IL21R: variants seen among roughly 807,000 people sequenced by gnomAD.
The protein encoded by IL21R is interleukin-21 receptor.
IL21R carries 14 observed loss-of-function variants against 41.3 expected under a neutral mutation model. That is an observed-to-expected ratio of 0.34 (90% CI 0.22 to 0.53). The LOEUF (loss-of-function observed/expected upper bound fraction) is 0.53. Ranked by LOEUF, IL21R falls within the 20% of genes least tolerant of loss-of-function variation. The pLI is 0.94. For synonymous variants in IL21R, 286 were observed against 287.6 expected (o/e 0.99, Z 0.05); for missense variants, 588 against 681.6 (o/e 0.86, Z 1.53).
chr16:27,446,795 A>G (rs3093380), intron 8 of IL21R, among the ~76,000 whole-genome samples: 52,232 of 151,628 alleles, frequency 0.34, 9,561 homozygotes, highest in African/African-American at 0.48. Flanking sequence ...ACACACTAAC[A>G]TTTGCCAAGC....
intron 1 of IL21R, among the ~76,000 whole-genome samples, chr16:27,406,466 C>G (rs1002654688): frequency 1.3e-5 from 2 of 152,056 alleles, no homozygotes; most frequent in Non-Finnish European, 2.9e-5. Context: ...GTTGCACAGG[C>G]TGGAAGAAGT....
intron 2 of IL21R, among the ~76,000 whole-genome samples, chr16:27,431,809 A>G (rs1000485884): frequency 1.6e-4 from 25 of 151,976 alleles, no homozygotes; most frequent in African/African-American, 6.0e-4. Context: ...TGCCATGGCT[A>G]ATTTTCGTAT....
At chr16:27,429,969 A>G in intron 1 of IL21R, 87 bp from the exon 2 acceptor site, 1 of 1,168,398 alleles carries the variant, frequency 8.6e-7, no homozygotes. Flanking sequence ...ATCAGGGGCA[A>G]GTCTGCCTGG....
chr16:27,432,474 C>T (rs978490121), intron 2 of IL21R, among the ~76,000 whole-genome samples: 10 of 152,190 alleles, frequency 6.6e-5, no homozygotes, highest in Non-Finnish European at 1.3e-4. Flanking sequence ...CCCTCTCATC[C>T]CTGGTGCCAC....
chr16:27,409,254 T>A (rs2086792529), intron 1 of IL21R, among the ~76,000 whole-genome samples: 1 of 147,110 alleles, frequency 6.8e-6, no homozygotes, highest in Non-Finnish European at 1.5e-5. Flanking sequence ...AAATAAATAT[T>A]TTTATATTTA....
chr16:27,445,902 G>C, intron 7 of IL21R, 105 bp from the exon 8 acceptor site: 1 of 806,670 alleles, frequency 1.2e-6, no homozygotes, highest in Non-Finnish European at 2.0e-6. Flanking sequence ...GCTGAGTCTT[G>C]GGATGCTCGG....
At chr16:27,417,413 C>T (rs964334025) in intron 1 of IL21R, among the ~76,000 whole-genome samples, 5 of 152,160 alleles carry the variant, frequency 3.3e-5, no homozygotes, top group East Asian at 1.9e-4. Flanking sequence ...GCAACCCTCC[C>T]GCCTTGGCCT....
chr16:27,429,040 A>G (rs975690703), intron 1 of IL21R, among the ~76,000 whole-genome samples: 5 of 152,212 alleles, frequency 3.3e-5, no homozygotes, highest in Middle Eastern at 3.4e-3. Flanking sequence ...CCTAGTCCAC[A>G]TGGCAAAACC....
chr16:27,429,993 G>A, intron 1 of IL21R, 63 bp from the exon 2 acceptor site: 2 of 1,402,426 alleles, frequency 1.4e-6, no homozygotes, highest in South Asian at 2.4e-5. Context: ...GAGACAGGAT[G>A]AGGGGGAGGC....
rs3093343 is a variant in IL21R at position 27,437,716 on chromosome 16, G to T, written c.352+29G>T. On this transcript the variant is annotated intron_variant, in intron 4 of 8. Transcript: ENST00000337929. ...AGTATCCTGGGACCCCAGGCTTAGG[G>T]TGGCACTCAATCTTAGCTCACCGCA... 448 of 1,590,910 alleles carry T rather than the reference G, an allele frequency of 2.8e-4. 1 individual carries two copies. The African/African-American group carries it at 5.5e-3, about 20-fold the overall frequency.
At chr16:27,434,940 T>C (rs1181425289) in intron 3 of IL21R, among the ~76,000 whole-genome samples, 3 of 152,188 alleles carry the variant, frequency 2.0e-5, no homozygotes, top group Non-Finnish European at 4.4e-5. Flanking sequence ...GAAGAGCTTC[T>C]GTTATCCATC....
chr16:27,404,107 A>G (rs1428261480), intron 1 of IL21R, among the ~76,000 whole-genome samples: 1 of 152,174 alleles, frequency 6.6e-6, no homozygotes, highest in African/African-American at 2.4e-5. Context: ...ATGGCGGAGT[A>G]TTCATTCCCA....
rs1437988980 is a variant in IL21R at position 27,437,631 on chromosome 16, C to T, written c.296C>T (p.Thr99Ile). The change falls in exon 4 of 9, where the codon ACA becomes ATA. Residue 99 changes from threonine (T) to isoleucine (I), a missense_variant. By Grantham distance (89) the Thr-to-Ile change is moderately conservative. Transcript: ENST00000337929. The stretch of plus-strand genomic sequence containing the variant: ...GACGACATTTTCAGTGTCAACATCA[C>T]AGACCAGTCTGGCAACTACTCCCAG... Reference protein sequence around the residue: ...MADDIFSVNITDQSGNYSQEC... With the variant: ...MADDIFSVNIIDQSGNYSQEC... 2 of 1,614,222 alleles carry T rather than the reference C, an allele frequency of 1.2e-6. No individual in the cohort carries two copies. Among genetic ancestry groups the T allele is most frequent in the East Asian group, 2.2e-5 (1 of 44,880 alleles).
intron 1 of IL21R, among the ~76,000 whole-genome samples, chr16:27,412,305 T>C (rs1596566935): frequency 6.6e-6 from 1 of 152,202 alleles, no homozygotes; most frequent in African/African-American, 2.4e-5. Context: ...TATCTATCTG[T>C]ATGCCAGTAC....
intron 1 of IL21R, among the ~76,000 whole-genome samples, chr16:27,409,391 ATCTT>A (rs1237981684): frequency 1.3e-5 from 2 of 151,670 alleles, no homozygotes; most frequent in Admixed American, 6.6e-5. Flanking sequence ...TTATTTATAA[ATCTT>A]TCTTTATGAC....
chr16:27,437,489 C>T lies in IL21R; in HGVS notation c.154C>T (p.Gln52Ter). 6.2e-7 allele frequency: 1 copy of T among 1,613,248 alleles called. No individual in the cohort carries two copies. Among genetic ancestry groups the T allele is most frequent in the Non-Finnish European group, 8.5e-7 (1 of 1,179,936 alleles). Reference protein sequence around the residue: ...LHPSTLTLTWQDQYEELKDEA... With the variant: ...LHPSTLTLTW ...TGACCGGCTGCTTTGTCCTTGAAGG[C>T]AAGACCAGTATGAAGAGCTGAAGGA... is the stretch of plus-strand genomic sequence containing the variant. Residue 52 changes from glutamine to a stop codon, truncating the protein, a stop_gained and splice_region_variant, in exon 4 of 9, where the codon CAA (glutamine) becomes TAA (stop). Coordinates refer to ENST00000337929, the MANE Select transcript of IL21R (RefSeq NM_181078.3). LOFTEE classifies it high-confidence loss of function.
intron 3 of IL21R, among the ~76,000 whole-genome samples, chr16:27,436,884 G>A (rs144544471): frequency 1.7e-4 from 26 of 152,210 alleles, no homozygotes; most frequent in African/African-American, 1.4e-4. Context: ...ACCAGCCTAA[G>A]CAACATGGTG....
At chr16:27,407,956 G>T (rs2086773405) in intron 1 of IL21R, among the ~76,000 whole-genome samples, 1 of 152,186 alleles carries the variant, frequency 6.6e-6, no homozygotes, top group African/African-American at 2.4e-5. Flanking sequence ...GGTCTACATA[G>T]GTCTTAACAT....
intron 5 of IL21R, among the ~76,000 whole-genome samples, chr16:27,443,760 G>T (rs915307739): frequency 1.3e-5 from 2 of 151,070 alleles, no homozygotes; most frequent in African/African-American, 4.9e-5. Context: ...TCTAGCCTGG[G>T]CAACAGAGTG....
Sources: gnomAD v4.1 joint callset for allele counts (sites outside exome capture counted in the v4.1 genomes callset) on GRCh38, gnomAD v4.1.1 for gene constraint, MANE v1.5 for transcripts, NCBI Gene and HGNC (gene_info 2026-07-23, HGNC 2026-07-21) for gene names.